The following ZRANB3 variants were observed in gnomAD, a reference collection of about 807,000 sequenced individuals.
The protein encoded by ZRANB3 is DNA annealing helicase and endonuclease ZRANB3.
Under a neutral mutation model 133.8 loss-of-function variants are expected in ZRANB3, and 125 were observed. That is an observed-to-expected ratio of 0.93 (90% CI 0.81 to 1.08). The LOEUF is 1.08. Among genes scored for constraint, ZRANB3 ranks in the 50% least tolerant of loss-of-function variants. ZRANB3 has a pLI of 0.00. For missense variants in ZRANB3, 1,229 were observed against 1,275.5 expected (o/e 0.96, Z 0.56); for synonymous variants, 387 against 432.7 (o/e 0.89, Z 1.31).
intron 6 of ZRANB3, among the ~76,000 whole-genome samples, chr2:135,316,508 T>C (rs940782485): frequency 1.3e-5 from 2 of 152,180 alleles, no homozygotes; most frequent in African/African-American, 4.8e-5. Context: ...TTAGGTTGGA[T>C]TATGATTACT....
chr2:135,345,156 A>C (rs1243938110), intron 6 of ZRANB3: 1 of 153,372 alleles, frequency 6.5e-6, no homozygotes, highest in East Asian at 1.9e-4. Context: ...TATTTTACAT[A>C]TAGGTCATCC....
intron 3 of ZRANB3, among the ~76,000 whole-genome samples, chr2:135,365,117 G>A (rs934152563): frequency 8.6e-5 from 13 of 151,072 alleles, no homozygotes; most frequent in African/African-American, 2.7e-4. Context: ...AAATATAAAA[G>A]TTAGCCAGGT....
At position 135,276,419 on chromosome 2, in the gene ZRANB3, G is replaced by A. The variant is rs116479515; in HGVS notation, c.967-664C>T. ...GTAGTGAGGTCTGAGAGAACAGGGGGACATATAGAACAATTATGACACAGA... is the reference window on the plus strand; with the variant it reads ...GTAGTGAGGTCTGAGAGAACAGGGGAACATATAGAACAATTATGACACAGA... On this transcript the variant is annotated intron_variant, in intron 8 of 20. Coordinates refer to ENST00000264159, the MANE Select transcript of ZRANB3 (RefSeq NM_032143.4). Among the ~76,000 whole-genome samples the A allele has an allele frequency of 2.9e-3, 443 of 152,008 alleles. 2 individuals are homozygous for A. The highest frequency in any genetic ancestry group is 0.01 in the African/African-American group (419 of 41,496).
intron 12 of ZRANB3, among the ~76,000 whole-genome samples, chr2:135,243,834 G>A (rs990514499): frequency 1.3e-5 from 2 of 151,776 alleles, no homozygotes; most frequent in African/African-American, 4.8e-5. Flanking sequence ...TGCCTGGGCT[G>A]GTCTTGAACT....
At chr2:135,218,498 C>T (rs1573692114) in intron 16 of ZRANB3, among the ~76,000 whole-genome samples, 2 of 150,482 alleles carry the variant, frequency 1.3e-5, no homozygotes, top group Non-Finnish European at 2.9e-5. Context: ...GGCAATGCTT[C>T]ATTTCCACTC....
At chr2:135,418,238 T>C (rs1688676685) in intron 2 of ZRANB3, among the ~76,000 whole-genome samples, 2 of 152,218 alleles carry the variant, frequency 1.3e-5, no homozygotes, top group African/African-American at 2.4e-5. Context: ...ATTTAAAGTA[T>C]ATGGGAAGAC....
At chr2:135,330,982 C>A (rs926673807) in intron 6 of ZRANB3, among the ~76,000 whole-genome samples, 1 of 151,922 alleles carries the variant, frequency 6.6e-6, no homozygotes, top group South Asian at 2.1e-4. Flanking sequence ...TTTTGTTGAT[C>A]TTTTCAAAAA....
At chr2:135,365,349 T>C (rs1283872785) in intron 3 of ZRANB3, among the ~76,000 whole-genome samples, 2 of 152,206 alleles carry the variant, frequency 1.3e-5, no homozygotes, top group African/African-American at 2.4e-5. Flanking sequence ...AAAAGACTAA[T>C]TTCAGAAGTT....
At chr2:135,383,717 GA>G (rs1686830861) in intron 3 of ZRANB3, among the ~76,000 whole-genome samples, 1 of 152,158 alleles carries the variant, frequency 6.6e-6, no homozygotes, top group Non-Finnish European at 1.5e-5. Flanking sequence ...CGACTACGTG[GA>G]AACTGAACAA....
chr2:135,488,120 C>T (rs1692202798), intron 2 of ZRANB3, among the ~76,000 whole-genome samples: 1 of 152,012 alleles, frequency 6.6e-6, no homozygotes, highest in Non-Finnish European at 1.5e-5. Flanking sequence ...AATACAGAGG[C>T]CTGTGGAGAG....
intron 6 of ZRANB3, among the ~76,000 whole-genome samples, chr2:135,335,712 A>G (rs1201037585): frequency 6.6e-6 from 1 of 152,278 alleles, no homozygotes; most frequent in East Asian, 1.9e-4. Flanking sequence ...AAAACAAAAC[A>G]AAACAAAACA....
At chr2:135,440,886 A>C (rs1028651479) in intron 2 of ZRANB3, among the ~76,000 whole-genome samples, 5 of 152,214 alleles carry the variant, frequency 3.3e-5, no homozygotes, top group Non-Finnish European at 7.3e-5. Flanking sequence ...AGAACAAATA[A>C]TTAGTGAATT....
intron 9 of ZRANB3, among the ~76,000 whole-genome samples, chr2:135,273,995 T>G (rs1421383780): frequency 6.6e-6 from 1 of 152,208 alleles, no homozygotes; most frequent in Non-Finnish European, 1.5e-5. Flanking sequence ...TCTAATTTCT[T>G]GCCCAATCAT....
chr2:135,285,084 A>G (rs1456571769), intron 8 of ZRANB3, among the ~76,000 whole-genome samples: 1 of 151,754 alleles, frequency 6.6e-6, no homozygotes, highest in African/African-American at 2.4e-5. Context: ...GCCTCAGGTG[A>G]TCCACCCGCC....
At chr2:135,292,010 G>A (rs1046266030) in intron 8 of ZRANB3, among the ~76,000 whole-genome samples, 1 of 152,188 alleles carries the variant, frequency 6.6e-6, no homozygotes, top group Non-Finnish European at 1.5e-5. Context: ...GGACATTTGG[G>A]TTGGTTCCAA....
At chr2:135,501,393 C>T (rs1425781261) in intron 2 of ZRANB3, among the ~76,000 whole-genome samples, 3 of 152,140 alleles carry the variant, frequency 2.0e-5, no homozygotes, top group Non-Finnish European at 4.4e-5. Context: ...ATAGCACTAA[C>T]AATAGCACTA....
chr2:135,383,251 G>C (rs1397407032), intron 3 of ZRANB3, among the ~76,000 whole-genome samples: 1 of 152,056 alleles, frequency 6.6e-6, no homozygotes, highest in Non-Finnish European at 1.5e-5. Context: ...GACAAAGAAG[G>C]TCATTACATA....
intron 3 of ZRANB3, among the ~76,000 whole-genome samples, chr2:135,367,497 T>C (rs1201976558): frequency 6.6e-6 from 1 of 152,132 alleles, no homozygotes; most frequent in Non-Finnish European, 1.5e-5. Context: ...AATCACTGTG[T>C]GTGTGTTTGT....
At chr2:135,299,087 T>C (rs573373069) in intron 8 of ZRANB3, among the ~76,000 whole-genome samples, 1 of 152,284 alleles carries the variant, frequency 6.6e-6, no homozygotes, top group East Asian at 1.9e-4. Flanking sequence ...ATTATGTCTT[T>C]TGTCTTCTCT....
Sources: allele counts gnomAD v4.1 joint callset (sites outside exome capture counted in the v4.1 genomes callset), GRCh38; gene constraint gnomAD v4.1.1; transcripts MANE v1.5; gene names NCBI Gene and HGNC (gene_info 2026-07-23, HGNC 2026-07-21).